MRPL3: variants seen among roughly 807,000 people sequenced by gnomAD.
MRPL3 encodes the protein mitochondrial ribosomal protein L3.
In MRPL3, 43 loss-of-function variants were observed where a neutral mutation model predicts 44.3. The observed-to-expected ratio is 0.97, with a 90% CI of 0.76 to 1.25. The LOEUF is 1.25. MRPL3 is among the 50% of genes most tolerant of loss of function. MRPL3 has a pLI of 0.00. For synonymous variants in MRPL3, 171 were observed against 152.3 expected (o/e 1.12, Z -0.91); for missense variants, 406 against 427.6 (o/e 0.95, Z 0.45).
intron 6 of MRPL3, among the ~76,000 whole-genome samples, chr3:131,471,792 T>G (rs1254193543): frequency 1.1e-4 from 16 of 152,164 alleles, no homozygotes; most frequent in Non-Finnish European, 4.4e-5. Context: ...CTTCTGAGAT[T>G]TGGTTACAAA....
intron 4 of MRPL3, among the ~76,000 whole-genome samples, chr3:131,495,109 A>G (rs960843936): frequency 6.6e-6 from 1 of 152,216 alleles, no homozygotes; most frequent in Admixed American, 6.5e-5. Context: ...AATTCTTTAC[A>G]GATTAAAAGA....
intron 7 of MRPL3, among the ~76,000 whole-genome samples, chr3:131,470,814 T>C (rs1933725226): frequency 6.6e-6 from 1 of 152,150 alleles, no homozygotes; most frequent in Non-Finnish European, 1.5e-5. Flanking sequence ...CCATTATCAA[T>C]ACATTTACTT....
chr3:131,477,941 C>T (rs998368390), intron 6 of MRPL3, among the ~76,000 whole-genome samples: 7 of 152,100 alleles, frequency 4.6e-5, no homozygotes, highest in Non-Finnish European at 1.0e-4. Flanking sequence ...AATCTCTTTC[C>T]TCTTGCTGCC....
intron 6 of MRPL3, among the ~76,000 whole-genome samples, chr3:131,478,867 C>G (rs1933914345): frequency 6.6e-6 from 1 of 151,798 alleles, no homozygotes; most frequent in Admixed American, 6.6e-5. Context: ...AATTTTTTGT[C>G]TTTTTAGTAG....
chr3:131,467,722 G>A (rs1246504916), intron 9 of MRPL3, among the ~76,000 whole-genome samples: 2 of 152,064 alleles, frequency 1.3e-5, no homozygotes, highest in South Asian at 2.1e-4. Context: ...GTGGAACCAC[G>A]AGCCAATTAA....
chr3:131,470,532 G>A (rs941925484), intron 7 of MRPL3, among the ~76,000 whole-genome samples: 1 of 151,946 alleles, frequency 6.6e-6, no homozygotes, highest in Non-Finnish European at 1.5e-5. Context: ...ACAATTCTGA[G>A]TATTACAGAC....
chr3:131,502,855 C>G lies in MRPL3; in HGVS notation c.-34G>C. On this transcript the variant is annotated 5_prime_UTR_variant, in exon 1 of 10. Coordinates refer to ENST00000264995, the MANE Select transcript of MRPL3 (RefSeq NM_007208.4). ...CCGGGAAGACTCGACTCACGACTTCCGGGCGCCCTGCCGCTCTGCTTTCAG... is the reference window on the plus strand; with the variant it reads ...CCGGGAAGACTCGACTCACGACTTCGGGGCGCCCTGCCGCTCTGCTTTCAG... The G allele has an allele frequency of 3.1e-6, 5 of 1,595,650 alleles. No homozygotes were observed. The highest frequency in any genetic ancestry group is 4.3e-6 in the Non-Finnish European group (5 of 1,169,024).
chr3:131,493,897 C>CA (rs1447568692), intron 4 of MRPL3, among the ~76,000 whole-genome samples: 2 of 152,212 alleles, frequency 1.3e-5, no homozygotes, highest in Non-Finnish European at 2.9e-5. Context: ...ATCCTTCCCC[C>CA]AAATTCCAAT....
At chr3:131,469,154 T>C (rs1933685313) in intron 8 of MRPL3, among the ~76,000 whole-genome samples, 1 of 151,990 alleles carries the variant, frequency 6.6e-6, no homozygotes, top group Non-Finnish European at 1.5e-5. Flanking sequence ...CGGATGTATA[T>C]CATAATCCTT....
intron 6 of MRPL3, among the ~76,000 whole-genome samples, chr3:131,475,562 T>C (rs1933836271): frequency 6.6e-6 from 1 of 152,206 alleles, no homozygotes; most frequent in South Asian, 2.1e-4. Flanking sequence ...CAAAAGTCAC[T>C]TTTATAAGAA....
chr3:131,478,119 T>C (rs1933896366), intron 6 of MRPL3, among the ~76,000 whole-genome samples: 1 of 152,198 alleles, frequency 6.6e-6, no homozygotes, highest in African/African-American at 2.4e-5. Flanking sequence ...AGTTCTCTCA[T>C]GGGCAAGAGA....
At position 131,489,848 on chromosome 3, in the gene MRPL3, G is replaced by A. The variant is rs1348542109; in HGVS notation, c.568+133C>T. On this transcript the variant is annotated intron_variant, in intron 5 of 9. Coordinates refer to ENST00000264995, the MANE Select transcript of MRPL3 (RefSeq NM_007208.4). ...CTAAAAAAAAAAAAAAACAAAATGA[G>A]ATACAGTTTTGTATTTAAAAGTAAG... 1.2e-5 allele frequency: 6 copies of A among 483,604 alleles called. No individual in the cohort carries two copies. In the East Asian group the frequency reaches 1.3e-4, roughly 11 times the overall value. 30.0% of individuals were successfully genotyped at this position (483,604 alleles called of 1,614,324 possible). A position where few individuals can be genotyped will look rare whatever the true frequency, so the allele number is the denominator to read the frequency against.
At chr3:131,486,592 C>A (rs1001311981) in intron 6 of MRPL3, among the ~76,000 whole-genome samples, 1 of 151,602 alleles carries the variant, frequency 6.6e-6, no homozygotes, top group Non-Finnish European at 1.5e-5. Context: ...CCAGAATCTA[C>A]AAAGAACTCA....
At chr3:131,476,922 G>A (rs914487617) in intron 6 of MRPL3, among the ~76,000 whole-genome samples, 2 of 152,132 alleles carry the variant, frequency 1.3e-5, no homozygotes, top group African/African-American at 2.4e-5. Context: ...TTGTATAATG[G>A]GCATGCCTTT....
intron 6 of MRPL3, among the ~76,000 whole-genome samples, chr3:131,480,652 C>T (rs1373500924): frequency 6.6e-6 from 1 of 152,176 alleles, no homozygotes; most frequent in Non-Finnish European, 1.5e-5. Flanking sequence ...ACCACATTTG[C>T]TGTCCTGGGC....
rs1352858853 is a variant in MRPL3, at chr3:131,498,192, A to G, written c.455T>C (p.Val152Ala). The change falls in exon 4 of 10, where the codon GTA becomes GCA. Residue 152 changes from valine to alanine, a missense_variant. Coordinates refer to ENST00000264995, the MANE Select transcript of MRPL3 (RefSeq NM_007208.4). ...MATLSVGGKT[V>A]SRFRKATSIL... ...ATACATCCTTACACGAAAACGTGAT[A>G]CAGTTTTTCCTCCTACAGACAGGGT... 6.2e-7 allele frequency: 1 copy of G among 1,602,370 alleles called. No individual in the cohort carries two copies. The highest frequency in any genetic ancestry group is 8.6e-7 in the Non-Finnish European group (1 of 1,169,452).
intron 8 of MRPL3, among the ~76,000 whole-genome samples, chr3:131,469,152 T>C (rs1933685218): frequency 1.3e-5 from 2 of 152,118 alleles, no homozygotes; most frequent in South Asian, 2.1e-4. Flanking sequence ...AACGGATGTA[T>C]ATCATAATCC....
chr3:131,471,170 C>T lies in MRPL3; in HGVS notation c.738+1G>A. 6.2e-7 allele frequency: 1 copy of T among 1,603,064 alleles called. No individual in the cohort carries two copies. The highest frequency in any genetic ancestry group is 8.5e-7 in the Non-Finnish European group (1 of 1,170,654). ...AAAAGAGCTTCACTAGTTATACTCA[C>T]ACCAGTTGCAACAGCTCCAGGTCTC... On this transcript the variant is annotated splice_donor_variant, in intron 7 of 9. Transcript: ENST00000264995. LOFTEE classifies it high-confidence loss of function.
At chr3:131,471,010 G>T (rs1449604384) in intron 7 of MRPL3, among the ~76,000 whole-genome samples, 161 bp downstream of exon 7, 1 of 152,108 alleles carries the variant, frequency 6.6e-6, no homozygotes, top group Non-Finnish European at 1.5e-5. Context: ...CTGGCTCTGG[G>T]AAATGAGTGA....
Sources: allele counts gnomAD v4.1 joint callset (sites outside exome capture counted in the v4.1 genomes callset), GRCh38; gene constraint gnomAD v4.1.1; transcripts MANE v1.5; gene names NCBI Gene and HGNC (gene_info 2026-07-23, HGNC 2026-07-21).